The following MACROD2 variants were observed in gnomAD, a reference collection of about 807,000 sequenced individuals.
MACROD2 encodes the protein ADP-ribose glycohydrolase MACROD2.
Under a neutral mutation model 70.4 loss-of-function variants are expected in MACROD2, and 36 were observed. The observed-to-expected ratio is 0.51, with a 90% CI of 0.39 to 0.68. The LOEUF (loss-of-function observed/expected upper bound fraction) is 0.68, where lower values mean the gene tolerates loss of function less well. Ranked by LOEUF, MACROD2 falls within the 30% of genes least tolerant of loss-of-function variation. The probability of loss-of-function intolerance (pLI) is 0.00; values close to 1 mark genes in which losing one functional copy is unlikely to be tolerated. For synonymous variants in MACROD2, 172 were observed against 178.8 expected (o/e 0.96, Z 0.30); for missense variants, 496 against 538.4 (o/e 0.92, Z 0.78).
At chr20:15,539,314 T>G (rs1030761836) in intron 8 of MACROD2, among the ~76,000 whole-genome samples, 1 of 152,216 alleles carries the variant, frequency 6.6e-6, no homozygotes, top group African/African-American at 2.4e-5. Context: ...CATGTGGGGC[T>G]TAAGCTGACT....
chr20:15,870,507 T>C (rs570427680), intron 9 of MACROD2, among the ~76,000 whole-genome samples: 1 of 152,280 alleles, frequency 6.6e-6, no homozygotes, highest in South Asian at 2.1e-4. Context: ...AGGTAAGACC[T>C]TTAAGAGTGA....
chr20:15,139,814 C>T (rs1426701622), intron 5 of MACROD2, among the ~76,000 whole-genome samples: 1 of 152,150 alleles, frequency 6.6e-6, no homozygotes, highest in African/African-American at 2.4e-5. Flanking sequence ...GCTCACGACA[C>T]CACACATAGT....
intron 5 of MACROD2, among the ~76,000 whole-genome samples, chr20:15,036,584 A>G (rs1446944068): frequency 6.6e-6 from 1 of 152,152 alleles, no homozygotes; most frequent in African/African-American, 2.4e-5. Flanking sequence ...CATCTTGCTC[A>G]TGGGTACTTT....
At chr20:15,885,838 G>C in intron 10 of MACROD2, 27 bp downstream of exon 10, 1 of 1,495,334 alleles carries the variant, frequency 6.7e-7, no homozygotes, top group Non-Finnish European at 8.9e-7. Flanking sequence ...TTTATTATTA[G>C]GGGGTAGGTA....
rs138511069 is a variant in MACROD2, at chr20:15,710,709, G to C, written c.646-152036G>C. 2.6e-3 allele frequency among the ~76,000 whole-genome samples: 395 copies of C among 152,232 alleles called. 4 individuals carry two copies. Among genetic ancestry groups the C allele is most frequent in the African/African-American group, 8.9e-3 (371 of 41,546 alleles). On this transcript the variant is annotated intron_variant, in intron 8 of 17. Coordinates refer to ENST00000684519, the MANE Select transcript of MACROD2 (RefSeq NM_001351661.2). The stretch of plus-strand genomic sequence containing the variant: ...CATTTTTTTTGAAATCACCAAGTCT[G>C]CATAAACCTGAAAAAAGCAAAGTAG...
intron 6 of MACROD2, among the ~76,000 whole-genome samples, chr20:15,254,152 A>G (rs939524849): frequency 6.6e-6 from 1 of 152,162 alleles, no homozygotes; most frequent in African/African-American, 2.4e-5. Flanking sequence ...TTCAACGGAT[A>G]TTTTTATTCC....
At chr20:16,022,201 C>T (rs1885944) in intron 15 of MACROD2, among the ~76,000 whole-genome samples, 22,150 of 151,896 alleles carry the variant, frequency 0.15, 1,683 homozygotes, top group African/African-American at 0.16. Context: ...CAGGCGCCCA[C>T]TACCATACCC....
intron 3 of MACROD2, among the ~76,000 whole-genome samples, chr20:14,163,549 C>G (rs915213624): frequency 1.3e-5 from 2 of 151,828 alleles, no homozygotes; most frequent in Non-Finnish European, 2.9e-5. Flanking sequence ...TTTTCTGACT[C>G]TCTCATTTTC....
chr20:15,794,699 T>C (rs983361471), intron 8 of MACROD2, among the ~76,000 whole-genome samples: 15 of 152,180 alleles, frequency 9.9e-5, no homozygotes, highest in Admixed American at 7.2e-4. Flanking sequence ...CAGGAGCAAA[T>C]TGATTGCAAG....
chr20:15,522,772 G>T (rs978000855), intron 8 of MACROD2, among the ~76,000 whole-genome samples: 5 of 152,182 alleles, frequency 3.3e-5, no homozygotes, highest in African/African-American at 9.7e-5. Context: ...CTGGCAACTG[G>T]TGCTAACTGC....
At chr20:15,549,340 G>A (rs1357674155) in intron 8 of MACROD2, among the ~76,000 whole-genome samples, 1 of 152,160 alleles carries the variant, frequency 6.6e-6, no homozygotes, top group Non-Finnish European at 1.5e-5. Flanking sequence ...ATGGCTGTAT[G>A]TCAATTTCAT....
chr20:15,388,194 A>G (rs2045745602), intron 6 of MACROD2, among the ~76,000 whole-genome samples: 1 of 152,010 alleles, frequency 6.6e-6, no homozygotes, highest in Non-Finnish European at 1.5e-5. Context: ...CTGAAAAGGG[A>G]GAGTGGAGGT....
intron 8 of MACROD2, among the ~76,000 whole-genome samples, chr20:15,618,461 G>A: frequency 6.6e-6 from 1 of 152,174 alleles, no homozygotes; most frequent in African/African-American, 2.4e-5. Flanking sequence ...GGTTAAGAAG[G>A]ACCGTCAGGA....
chr20:14,887,399 GTTTTTT>G (rs11476428), intron 5 of MACROD2, among the ~76,000 whole-genome samples: 3 of 144,632 alleles, frequency 2.1e-5, no homozygotes, highest in African/African-American at 2.6e-5. Context: ...AGCTTTTTTT[GTTTTTT>G]TTTTTTTTTG....
intron 4 of MACROD2, among the ~76,000 whole-genome samples, chr20:14,593,686 C>G (rs1287743411): frequency 6.6e-6 from 1 of 152,142 alleles, no homozygotes; most frequent in African/African-American, 2.4e-5. Flanking sequence ...ATTAATTCAA[C>G]TAAATGCCAA....
intron 8 of MACROD2, among the ~76,000 whole-genome samples, chr20:15,637,760 G>C (rs746971026): frequency 1.3e-5 from 2 of 152,150 alleles, no homozygotes; most frequent in African/African-American, 4.8e-5. Context: ...TGATACCATG[G>C]CAACCCCTCT....
At chr20:15,887,058 G>A (rs1466635789) in intron 10 of MACROD2, among the ~76,000 whole-genome samples, 1 of 152,070 alleles carries the variant, frequency 6.6e-6, no homozygotes, top group African/African-American at 2.4e-5. Flanking sequence ...CTCATTTGAT[G>A]CCAGAATTCC....
intron 5 of MACROD2, among the ~76,000 whole-genome samples, chr20:14,798,099 TG>T (rs957733055): frequency 1.3e-5 from 2 of 152,088 alleles, no homozygotes. Context: ...TGGGGCTCTA[TG>T]GACAAGTAAT....
intron 6 of MACROD2, among the ~76,000 whole-genome samples, chr20:15,429,845 G>A (rs1298781973): frequency 1.3e-5 from 2 of 151,978 alleles, no homozygotes; most frequent in African/African-American, 4.8e-5. Flanking sequence ...CTGTGTAATG[G>A]TGAAGACTAG....
Sources: allele counts gnomAD v4.1 joint callset (sites outside exome capture counted in the v4.1 genomes callset), GRCh38; gene constraint gnomAD v4.1.1; transcripts MANE v1.5; gene names NCBI Gene and HGNC (gene_info 2026-07-23, HGNC 2026-07-21).